Variants in VBP1 observed in about 807,000 individuals in gnomAD.
VBP1 encodes VHL binding protein 1, also known as prefoldin subunit 3.
Under a neutral mutation model 15.5 loss-of-function variants are expected in VBP1, and 4 were observed. The ratio of observed to expected loss-of-function variants is 0.26; its 90% CI spans 0.13 to 0.59. The LOEUF is 0.59. Among genes scored for constraint, VBP1 ranks in the 20% least tolerant of loss-of-function variants. The probability of loss-of-function intolerance (pLI) is 0.90; values close to 1 mark genes in which losing one functional copy is unlikely to be tolerated. For synonymous variants in VBP1, 61 were observed against 52.1 expected (o/e 1.17, Z -0.74); for missense variants, 108 against 139.6 (o/e 0.77, Z 1.14).
intron 4 of VBP1, among the ~76,000 whole-genome samples, chrX:155,231,306 C>T (rs1055116323): frequency 8.9e-5 from 10 of 111,945 alleles, no homozygotes; most frequent in Non-Finnish European, 1.3e-4. Flanking sequence ...GCCAGTGTGG[C>T]CCCACATTTC....
intron 3 of VBP1, among the ~76,000 whole-genome samples, 172 bp downstream of exon 3, chrX:155,227,473 G>C (rs1180701382): frequency 8.9e-6 from 1 of 112,322 alleles, no homozygotes; most frequent in Non-Finnish European, 1.9e-5. Flanking sequence ...TGGCTTTGTG[G>C]CCTTCCCCCA....
intron 1 of VBP1, among the ~76,000 whole-genome samples, chrX:155,208,721 T>A (rs2074634226): frequency 8.9e-6 from 1 of 112,301 alleles, no homozygotes; most frequent in Non-Finnish European, 1.9e-5. Context: ...TTTCTTTGCA[T>A]CTGGCATTTA....
At chrX:155,229,151 C>T (rs2074734057) in intron 4 of VBP1, among the ~76,000 whole-genome samples, 1 of 111,932 alleles carries the variant, frequency 8.9e-6, no homozygotes, top group Non-Finnish European at 1.9e-5. Flanking sequence ...CCTGTAGGAT[C>T]ACTCTGGAGA....
rs375811989 is a variant in VBP1, at chrX:155,221,415, C to T, written c.218+1108C>T. Among the ~76,000 whole-genome samples, 19 of 111,022 alleles carry T rather than the reference C, an allele frequency of 1.7e-4. No individual in the cohort carries two copies. The Middle Eastern group carries it at 0.014, about 82-fold the overall frequency. On this transcript the variant is annotated intron_variant, in intron 2 of 5. Transcript: ENST00000286428. Reference sequence around the variant, plus strand: ...CCTCTAGAGGCTGAGGTGGGAGGATCGCCTGAACCCAGGACGTTGAGGCTG... The same window carrying T: ...CCTCTAGAGGCTGAGGTGGGAGGATTGCCTGAACCCAGGACGTTGAGGCTG...
intron 4 of VBP1, among the ~76,000 whole-genome samples, chrX:155,233,325 A>G (rs782442961): frequency 8.9e-5 from 10 of 111,780 alleles, no homozygotes; most frequent in Admixed American, 6.6e-4. Context: ...GTCGTCCAGG[A>G]GTCAGTCTCA....
intron 2 of VBP1, among the ~76,000 whole-genome samples, chrX:155,223,116 G>T (rs80065094): frequency 0.32 from 20,019 of 62,168 alleles, 2,575 homozygotes; most frequent in African/African-American, 0.44. Context: ...TAGCCTTTTT[G>T]TTTTTTTTTT....
intron 3 of VBP1, 67 bp downstream of exon 3, chrX:155,227,368 A>G (rs2074724287): frequency 1.2e-6 from 1 of 812,995 alleles, no homozygotes; most frequent in Admixed American, 3.4e-5. Flanking sequence ...GTCTTCTTTG[A>G]CTCTTTGGTC....
chrX:155,212,236 A>G (rs1486089826), upstream of VBP1, among the ~76,000 whole-genome samples: 3 of 112,146 alleles, frequency 2.7e-5, no homozygotes, highest in Non-Finnish European at 5.6e-5. Context: ...CTTATACTGA[A>G]GGTCTTCATG....
Position 155,216,482 on chromosome X carries a change from G to C in VBP1, c.-1G>C. ...GGCAGTCGCGCGCTCGCATCCCCAA[G>C]ATGGCGGCCGTTAAGGACAGTTGTG... On this transcript the variant is annotated 5_prime_UTR_variant, in exon 1 of 6. Coordinates refer to ENST00000286428, the MANE Select transcript of VBP1 (RefSeq NM_003372.7). 8.6e-7 allele frequency: 1 copy of C among 1,168,089 alleles called. No individual in the cohort carries two copies. Among genetic ancestry groups the C allele is most frequent in the Non-Finnish European group, 1.1e-6 (1 of 872,841 alleles).
intron 2 of VBP1, among the ~76,000 whole-genome samples, chrX:155,225,852 G>A (rs1557310209): frequency 9.0e-6 from 1 of 111,576 alleles, no homozygotes; most frequent in Non-Finnish European, 1.9e-5. Flanking sequence ...TGAATGCTAG[G>A]TGTTTCTAGA....
intron 1 of VBP1, among the ~76,000 whole-genome samples, chrX:155,200,332 A>G (rs1407792891): frequency 9.5e-6 from 1 of 105,354 alleles, no homozygotes; most frequent in African/African-American, 3.5e-5. Context: ...CACCACACCT[A>G]TTCCAAAATT....
chrX:155,200,786 A>G (rs1481857963), intron 1 of VBP1, among the ~76,000 whole-genome samples: 1 of 110,314 alleles, frequency 9.1e-6, no homozygotes, highest in Non-Finnish European at 1.9e-5. Context: ...AAATAGAGAC[A>G]CAAAAAACCC....
intron 4 of VBP1, among the ~76,000 whole-genome samples, chrX:155,233,539 A>T (rs1415014569): frequency 2.7e-5 from 3 of 112,465 alleles, no homozygotes; most frequent in Non-Finnish European, 5.6e-5. Flanking sequence ...CTGACAAATG[A>T]TGTAAATATC....
intron 1 of VBP1, among the ~76,000 whole-genome samples, chrX:155,204,581 C>T (rs782382069): frequency 4.5e-5 from 5 of 111,878 alleles, no homozygotes; most frequent in Middle Eastern, 9.2e-3. Context: ...GAAAAAATGG[C>T]AGCTCTCTGA....
chrX:155,203,526 C>T (rs11156599), intron 1 of VBP1, among the ~76,000 whole-genome samples: 33,552 of 102,314 alleles, frequency 0.33, 4,611 homozygotes, highest in African/African-American at 0.46. Context: ...AACCAAACAC[C>T]GCATGTTCTC....
chrX:155,198,700 A>G (rs911675113), intron 1 of VBP1, among the ~76,000 whole-genome samples: 2 of 111,478 alleles, frequency 1.8e-5, no homozygotes, highest in Admixed American at 1.9e-4. Flanking sequence ...AAAGCAGAGC[A>G]CCTCTCCTCC....
upstream of VBP1, among the ~76,000 whole-genome samples, chrX:155,213,828 T>C (rs1396288773): frequency 8.9e-6 from 1 of 112,423 alleles, no homozygotes; most frequent in African/African-American, 3.2e-5. Context: ...TTTATCACCT[T>C]CTAATTATTT....
chrX:155,220,395 TC>T (rs1557309471), intron 2 of VBP1, 88 bp downstream of exon 2: 51 of 836,889 alleles, frequency 6.1e-5, no homozygotes, highest in Non-Finnish European at 7.9e-5. Context: ...AATAAAATAT[TC>T]AGATGTCAAG....
At chrX:155,216,221 G>A, upstream of VBP1, 1 of 469,386 alleles carries the variant, frequency 2.1e-6, no homozygotes. Flanking sequence ...CTTTTCCCAG[G>A]AGGACGTATG....
Sources: allele counts gnomAD v4.1 joint callset (sites outside exome capture counted in the v4.1 genomes callset), GRCh38; gene constraint gnomAD v4.1.1; transcripts MANE v1.5; gene names NCBI Gene and HGNC (gene_info 2026-07-23, HGNC 2026-07-21).